Variants in ERN1 observed in about 807,000 individuals in gnomAD.
ERN1 encodes serine/threonine-protein kinase/endoribonuclease IRE1.
Under a neutral mutation model 113.1 loss-of-function variants are expected in ERN1, and 39 were observed. The ratio of observed to expected loss-of-function variants is 0.34; its 90% CI spans 0.27 to 0.45. ERN1 has a LOEUF of 0.45. Ranked by LOEUF, ERN1 falls within the 20% of genes least tolerant of loss-of-function variation. ERN1 has a pLI of 1.00. For synonymous variants in ERN1, 507 were observed against 515.9 expected (o/e 0.98, Z 0.23); for missense variants, 976 against 1,274.8 (o/e 0.77, Z 3.57).
chr17:64,090,676 C>T (rs555001101), intron 2 of ERN1, among the ~76,000 whole-genome samples: 2 of 152,330 alleles, frequency 1.3e-5, no homozygotes, highest in African/African-American at 4.8e-5. Context: ...CCCATCGGAG[C>T]TGAGATCCAC....
intron 1 of ERN1, chr17:64,128,644 T>C (rs765275201): frequency 4.6e-5 from 7 of 152,220 alleles, no homozygotes; most frequent in Non-Finnish European, 1.5e-5. Context: ...TGTGAACAGA[T>C]GCCAGGCAGT....
intron 7 of ERN1, among the ~76,000 whole-genome samples, chr17:64,067,402 C>T (rs1913263093): frequency 8.7e-6 from 1 of 115,074 alleles, no homozygotes; most frequent in Non-Finnish European, 1.7e-5. Context: ...CCAGCCTGGG[C>T]AACATAGTGA....
chr17:64,083,134 G>A (rs1296970740), intron 2 of ERN1, among the ~76,000 whole-genome samples: 1 of 152,066 alleles, frequency 6.6e-6, no homozygotes, highest in Non-Finnish European at 1.5e-5. Context: ...TATACGGGGG[G>A]CGGGGAGGAC....
At chr17:64,103,358 G>C (rs1416869893) in intron 1 of ERN1, among the ~76,000 whole-genome samples, 1 of 152,020 alleles carries the variant, frequency 6.6e-6, no homozygotes. Context: ...TTAGCTGGAT[G>C]TGGTGGCAGT....
At chr17:64,062,310 C>T (rs991847007) in intron 10 of ERN1, among the ~76,000 whole-genome samples, 12 of 152,214 alleles carry the variant, frequency 7.9e-5, no homozygotes, top group African/African-American at 2.7e-4. Flanking sequence ...TGTATTTTCA[C>T]GATTAATGAC....
intron 6 of ERN1, 26 bp downstream of exon 6, chr17:64,071,955 G>A (rs1444969741): frequency 6.4e-7 from 1 of 1,552,080 alleles, no homozygotes; most frequent in Non-Finnish European, 8.7e-7. Context: ...CAGGCAGGTT[G>A]TAGAAGACAA....
chr17:64,079,573 T>A (rs196947), intron 4 of ERN1, 89 bp downstream of exon 4: 1 of 1,034,874 alleles, frequency 9.7e-7, no homozygotes, highest in Non-Finnish European at 1.5e-6. Context: ...AAGCTCCAGG[T>A]GGGAGACACA....
chr17:64,108,621 T>C (rs1043830962), intron 1 of ERN1, among the ~76,000 whole-genome samples: 21 of 152,184 alleles, frequency 1.4e-4, no homozygotes, highest in Admixed American at 5.9e-4. Context: ...TATTTTGTTG[T>C]CTTTGCTAAA....
Position 64,044,754 on chromosome 17 carries a change from T to G in ERN1, c.2721+106A>C. On this transcript the variant is annotated intron_variant, in intron 21 of 21. Coordinates refer to ENST00000433197, the MANE Select transcript of ERN1 (RefSeq NM_001433.5). This position sits in a 1 kb window ranked among gnomAD's most constrained non-coding sequence, Gnocchi z 4.1. ...CTGAAGCCGCCTAGCTCCTGAGAGA[T>G]GAGAATGCCAGTACAGATAAAAGAT... The G allele has an allele frequency of 5.8e-5, 46 of 792,646 alleles. No individual in the cohort carries two copies. Among genetic ancestry groups the G allele is most frequent in the Non-Finnish European group, 8.2e-5 (39 of 477,104 alleles). The allele number at this position is 792,646 out of a possible 1,614,324, so 49.1% of individuals were successfully genotyped here.
At chr17:64,129,926 G>T (rs1435545556) in intron 1 of ERN1, 50 bp downstream of exon 1, 3 of 1,375,116 alleles carry the variant, frequency 2.2e-6, no homozygotes, top group Non-Finnish European at 1.9e-6. Flanking sequence ...CCCCGGCCCC[G>T]ACCCGGCCGT....
chr17:64,068,215 T>G lies in ERN1; in HGVS notation c.555A>C (p.Ser185=), dbSNP rs771140863. The G allele has an allele frequency of 6.2e-7, 1 of 1,611,526 alleles. No individual in the cohort carries two copies. The highest frequency in any genetic ancestry group is 1.7e-5 in the Admixed American group (1 of 59,748). The change falls in exon 7 of 22, where the codon TCA becomes TCC. Residue 185 remains serine (S), a synonymous_variant. Coordinates refer to ENST00000433197, the MANE Select transcript of ERN1 (RefSeq NM_001433.5). ...WNATYFDYAA[S]LPEDDVDYKM... ...TGTAGTCCACGTCGTCCTCAGGCAGTGAGGCCGCATAGTCAAAGTAGGTGG... is the reference window on the plus strand; with the variant it reads ...TGTAGTCCACGTCGTCCTCAGGCAGGGAGGCCGCATAGTCAAAGTAGGTGG...
intron 2 of ERN1, among the ~76,000 whole-genome samples, chr17:64,090,168 G>A (rs1022518062): frequency 3.3e-5 from 5 of 151,886 alleles, no homozygotes; most frequent in Non-Finnish European, 4.4e-5. Flanking sequence ...CTTTCATGAG[G>A]AAAGCATTTT....
intron 2 of ERN1, among the ~76,000 whole-genome samples, chr17:64,093,533 A>G (rs557373110): frequency 1.8e-4 from 28 of 152,310 alleles, no homozygotes; most frequent in Non-Finnish European, 3.5e-4. Context: ...GGAAGCTGGA[A>G]GTCTGAGATT....
intron 1 of ERN1, among the ~76,000 whole-genome samples, chr17:64,121,639 G>A (rs1424140945): frequency 6.6e-6 from 1 of 152,188 alleles, no homozygotes; most frequent in East Asian, 1.9e-4. Context: ...ACAGGTGCCC[G>A]CCACCATGCC....
At chr17:64,045,737 C>T (rs540445281) in intron 19 of ERN1, among the ~76,000 whole-genome samples, 9 of 152,234 alleles carry the variant, frequency 5.9e-5, no homozygotes, top group African/African-American at 1.7e-4. Context: ...AGACCACGAA[C>T]GCATACCCTG....
chr17:64,121,018 G>A (rs1914940693), intron 1 of ERN1, among the ~76,000 whole-genome samples: 1 of 152,160 alleles, frequency 6.6e-6, no homozygotes, highest in South Asian at 2.1e-4. Context: ...GCAAGCCAGG[G>A]TCCCTGCCTT....
chr17:64,090,010 G>A (rs1383009465), intron 2 of ERN1, among the ~76,000 whole-genome samples: 1 of 152,012 alleles, frequency 6.6e-6, no homozygotes, highest in East Asian at 1.9e-4. Flanking sequence ...CATTCGAGTG[G>A]CCCAATTAGG....
At chr17:64,117,731 G>A (rs914826312) in intron 1 of ERN1, among the ~76,000 whole-genome samples, 2 of 152,286 alleles carry the variant, frequency 1.3e-5, no homozygotes, top group Middle Eastern at 3.4e-3. Flanking sequence ...ACAGGTGAGC[G>A]AGAGCCGATG....
chr17:64,062,879 G>A (rs1231179255), intron 10 of ERN1, among the ~76,000 whole-genome samples: 1 of 152,152 alleles, frequency 6.6e-6, no homozygotes, highest in Non-Finnish European at 1.5e-5. Context: ...TGGCTACAAG[G>A]AAACAGGATG....
Sources: gnomAD v4.1 joint callset for allele counts (sites outside exome capture counted in the v4.1 genomes callset) on GRCh38, gnomAD v4.1.1 for gene constraint, Gnocchi (gnomAD v3.1) non-coding constraint, MANE v1.5 for transcripts, NCBI Gene and HGNC (gene_info 2026-07-23, HGNC 2026-07-21) for gene names.